The following NPR3 variants were observed in gnomAD, a reference collection of about 807,000 sequenced individuals.
The protein encoded by NPR3 is natriuretic peptide receptor 3.
NPR3 carries 34 observed loss-of-function variants against 54.5 expected under a neutral mutation model. That is an observed-to-expected ratio of 0.62 (90% confidence interval 0.47 to 0.83). The LOEUF is 0.83. Among genes scored for constraint, NPR3 ranks in the 40% least tolerant of loss-of-function variants. The pLI is 0.00. For synonymous variants in NPR3, 289 were observed against 297.1 expected, an observed-to-expected ratio of 0.97 and a Z score of 0.28; for missense variants, 674 against 720.8, an observed-to-expected ratio of 0.94 and a Z score of 0.74.
At chr5:32,743,987 ATTTT>A (rs199604802) in intron 3 of NPR3, among the ~76,000 whole-genome samples, 19 of 113,834 alleles carry the variant, frequency 1.7e-4, no homozygotes, top group South Asian at 8.2e-4. Flanking sequence ...ATTCTGATGC[ATTTT>A]TTTTTTTTTT....
chr5:32,743,663 A>G (rs185590956), intron 3 of NPR3, among the ~76,000 whole-genome samples: 1 of 152,282 alleles, frequency 6.6e-6, no homozygotes, highest in Non-Finnish European at 1.5e-5. Context: ...GGTTGAACCT[A>G]CACATGCCTG....
At chr5:32,707,279 T>C (rs1246359153), upstream of NPR3, among the ~76,000 whole-genome samples, 5 of 152,108 alleles carry the variant, frequency 3.3e-5, no homozygotes, top group Non-Finnish European at 1.5e-5. Flanking sequence ...TCTGATGAGA[T>C]TGAATTATAA....
intron 3 of NPR3, among the ~76,000 whole-genome samples, chr5:32,753,336 T>C (rs555966405): frequency 6.7e-6 from 1 of 148,988 alleles, no homozygotes; most frequent in East Asian, 2.0e-4. Flanking sequence ...TTTTTTTTTT[T>C]CCTGTATGAA....
Position 32,774,861 on chromosome 5 carries a change from A to G in NPR3, c.1195+18A>G, listed in dbSNP as rs780056481. Reference sequence around the variant, plus strand: ...ATTTGAAGGTGGGGATTCCATCTATAAGGCAATTACATGGGGCCAAATGAG... The same window carrying G: ...ATTTGAAGGTGGGGATTCCATCTATGAGGCAATTACATGGGGCCAAATGAG... On this transcript the variant is annotated intron_variant, in intron 4 of 7. Transcript: ENST00000265074. 2.5e-6 allele frequency: 4 copies of G among 1,599,426 alleles called. No individual in the cohort carries two copies. The highest frequency in any genetic ancestry group is 1.7e-5 in the Admixed American group (1 of 60,010).
chr5:32,714,005 G>A (rs1244625767), intron 1 of NPR3, among the ~76,000 whole-genome samples: 1 of 151,618 alleles, frequency 6.6e-6, no homozygotes, highest in Admixed American at 6.6e-5. Context: ...GCCACGCCTC[G>A]GCAAGGAACC....
Position 32,712,924 on chromosome 5 carries a change from C to G in NPR3, c.769+379C>G, listed in dbSNP as rs188841833. On this transcript the variant is annotated intron_variant, in intron 1 of 7. Transcript: ENST00000265074. Reference sequence around the variant, plus strand: ...CATCCAGGGTCTGAAGCATCCGAGGCGGAAAGAACTTGTTCCCCAGTCCTT... The same window carrying G: ...CATCCAGGGTCTGAAGCATCCGAGGGGGAAAGAACTTGTTCCCCAGTCCTT... 3.1e-4 allele frequency among the ~76,000 whole-genome samples: 47 copies of G among 152,254 alleles called. No homozygotes were observed. In the East Asian group the frequency reaches 8.0e-3, roughly 26 times the overall value.
chr5:32,706,769 A>G (rs115066622), upstream of NPR3, among the ~76,000 whole-genome samples: 2 of 152,162 alleles, frequency 1.3e-5, no homozygotes, highest in African/African-American at 4.8e-5. Flanking sequence ...ATAAATTTGT[A>G]AAGGGCACTC....
At position 32,698,342 on chromosome 5, in the gene NPR3, C is replaced by T. The variant is rs368471936; in HGVS notation, c.100+9156C>T. Among the ~76,000 whole-genome samples the T allele has an allele frequency of 1.3e-3, 193 of 151,508 alleles. 1 individual carries two copies. The highest frequency in any genetic ancestry group is 4.5e-3 in the African/African-American group (184 of 41,286). ...ATTTCAAGTTTTATTCCATTGTGGT[C>T]AGAGAAGATGCTTGATATAATTTCA... On this transcript the variant is annotated intron_variant, in intron 1 of 5. Transcript: ENST00000509104.
In NPR3 at chr5:32,712,317, T is replaced by C; in HGVS notation, c.541T>C (p.Tyr181His). Reference protein sequence around the residue: ...YSHLTRVAPAYAKMGEMMLAL... With the variant: ...YSHLTRVAPAHAKMGEMMLAL... ...GCACCTCACGCGCGTGGCGCCCGCC[T>C]ACGCCAAGATGGGCGAGATGATGCT... The change falls in exon 1 of 8, where the codon TAC becomes CAC. Residue 181 changes from tyrosine (Y) to histidine (H), a missense_variant. Transcript: ENST00000265074. 1 of 1,613,400 alleles carries C rather than the reference T, an allele frequency of 6.2e-7. No individual in the cohort carries two copies. The highest frequency in any genetic ancestry group is 8.5e-7 in the Non-Finnish European group (1 of 1,179,716).
At chr5:32,756,330 G>A (rs1164766514) in intron 3 of NPR3, among the ~76,000 whole-genome samples, 1 of 152,186 alleles carries the variant, frequency 6.6e-6, no homozygotes. Context: ...TTGTGGTTTT[G>A]ATTTGCATTT....
intron 1 of NPR3, among the ~76,000 whole-genome samples, chr5:32,699,999 C>T (rs1740627779): frequency 6.6e-6 from 1 of 152,208 alleles, no homozygotes; most frequent in South Asian, 2.1e-4. Context: ...TTTCCTTCAG[C>T]ACTTTAAATA....
chr5:32,772,754 A>T (rs181573559), intron 3 of NPR3, among the ~76,000 whole-genome samples: 43 of 152,228 alleles, frequency 2.8e-4, no homozygotes, highest in Admixed American at 1.4e-3. Context: ...TCTGCCAGAC[A>T]CTATTTGAAG....
chr5:32,772,946 C>T (rs1741848352), intron 3 of NPR3, among the ~76,000 whole-genome samples: 2 of 152,188 alleles, frequency 1.3e-5, no homozygotes, highest in African/African-American at 2.4e-5. Flanking sequence ...TTTTGGCAAA[C>T]ACGAAATATC....
intron 1 of NPR3, among the ~76,000 whole-genome samples, chr5:32,691,038 C>T (rs10941021): frequency 0.36 from 54,587 of 152,026 alleles, 10,120 homozygotes; most frequent in Middle Eastern, 0.47. Flanking sequence ...TGTAACCATG[C>T]GAGCTCTCTT....
chr5:32,702,108 CTTCAGGATGCTGAG>C (rs1248061121), intron 1 of NPR3, among the ~76,000 whole-genome samples: 1 of 152,192 alleles, frequency 6.6e-6, no homozygotes, highest in Non-Finnish European at 1.5e-5. Flanking sequence ...GTGTTCTTCT[CTTCAGGATGCTGAG>C]TTCCCCCTGC....
At chr5:32,763,405 C>T (rs772942210) in intron 3 of NPR3, among the ~76,000 whole-genome samples, 10 of 152,132 alleles carry the variant, frequency 6.6e-5, no homozygotes, top group Middle Eastern at 3.4e-3. Flanking sequence ...TCACTGCAAC[C>T]TCTGCCTCCT....
chr5:32,739,214 C>T (rs1182512358), intron 3 of NPR3, among the ~76,000 whole-genome samples, 184 bp downstream of exon 3: 1 of 150,858 alleles, frequency 6.6e-6, no homozygotes, highest in Non-Finnish European at 1.5e-5. Flanking sequence ...GGTGGTTTTC[C>T]TCCTTCCCTC....
rs1269190254 is a variant in NPR3 at position 32,734,834 on chromosome 5, CT to C, written c.893-4029del. ...TAGTCACACATGTGGCTAGTGGCTCCTCTGTGAGACAGCACCGCTCTAGAGC... is the reference window on the plus strand; with the variant it reads ...TAGTCACACATGTGGCTAGTGGCTCCCTGTGAGACAGCACCGCTCTAGAGC... On this transcript the variant is annotated intron_variant, in intron 2 of 7. Transcript: ENST00000265074. Among the ~76,000 whole-genome samples the C allele has an allele frequency of 2.6e-5, 4 of 152,164 alleles. No homozygotes were observed. In the South Asian group the frequency reaches 8.3e-4, roughly 32 times the overall value.
rs965380985 is a variant in NPR3, at chr5:32,790,015, A to G, written c.*3670A>G. On this transcript the variant is annotated 3_prime_UTR_variant, in exon 8 of 8. Transcript: ENST00000265074. ...GCCCAAATTAGGCCCCTCGACCTAC[A>G]GACATTTCATGGGTTTTATTTAATC... 1.2e-5 allele frequency: 3 copies of G among 247,548 alleles called. No individual in the cohort carries two copies. The highest frequency in any genetic ancestry group is 6.7e-5 in the African/African-American group (3 of 44,580). The allele number at this position is 247,548 out of a possible 1,614,324, so 15.3% of individuals were successfully genotyped here.
Sources: allele counts gnomAD v4.1 joint callset (sites outside exome capture counted in the v4.1 genomes callset), GRCh38; gene constraint gnomAD v4.1.1; transcripts MANE v1.5; gene names NCBI Gene and HGNC (gene_info 2026-07-23, HGNC 2026-07-21).